The following MAPK10 variants were observed in gnomAD, a reference collection of about 807,000 sequenced individuals.
MAPK10 encodes the protein mitogen-activated protein kinase 10.
Under a neutral mutation model 59.3 loss-of-function variants are expected in MAPK10, and 25 were observed. The ratio of observed to expected loss-of-function variants is 0.42; its 90% CI spans 0.31 to 0.59. The LOEUF is 0.59. Among genes scored for constraint, MAPK10 ranks in the 20% least tolerant of loss-of-function variants. MAPK10 has a pLI of 0.15. For missense variants in MAPK10, 351 were observed against 568.9 expected, an observed-to-expected ratio of 0.62 and a Z score of 3.90; for synonymous variants, 190 against 200.5, an observed-to-expected ratio of 0.95 and a Z score of 0.44.
intron 1 of MAPK10, among the ~76,000 whole-genome samples, chr4:86,451,786 CAG>C (rs1468858185): frequency 1.3e-5 from 2 of 152,058 alleles, no homozygotes; most frequent in Admixed American, 6.5e-5. Context: ...GCTGGGGAAA[CAG>C]GGGAGGGCAC....
chr4:86,336,566 C>T (rs1366141053), intron 2 of MAPK10: 1 of 152,156 alleles, frequency 6.6e-6, no homozygotes, highest in Non-Finnish European at 1.5e-5. Flanking sequence ...GACATCATAT[C>T]AAACAAGGTC....
intron 9 of MAPK10, among the ~76,000 whole-genome samples, chr4:86,075,124 C>G (rs1279436466): frequency 6.6e-6 from 1 of 151,714 alleles, no homozygotes; most frequent in Non-Finnish European, 1.5e-5. Context: ...AACTTCCCTT[C>G]TCGCTTCATT....
At chr4:86,137,540 T>A (rs1380320563) in intron 4 of MAPK10, among the ~76,000 whole-genome samples, 2 of 129,898 alleles carry the variant, frequency 1.5e-5, no homozygotes, top group African/African-American at 6.7e-5. Flanking sequence ...AAGCAGTGTG[T>A]AGAGGGAAAT....
intron 1 of MAPK10, among the ~76,000 whole-genome samples, chr4:86,552,537 GGAAGGA>G (rs1759931248): frequency 6.7e-6 from 1 of 148,686 alleles, no homozygotes; most frequent in Non-Finnish European, 1.5e-5. Flanking sequence ...AAGGAAGGAA[GGAAGGA>G]AGGAAGGAAG....
chr4:86,067,788 G>A lies in MAPK10; in HGVS notation c.970C>T (p.His324Tyr). The A allele has an allele frequency of 2.5e-6, 4 of 1,611,802 alleles. No homozygotes were observed. The highest frequency in any genetic ancestry group is 3.4e-6 in the Non-Finnish European group (4 of 1,178,846). ...AAGGGCATACCTTTGAGTTTATTGTGCTCGGAGTCCGCTGGGAAGAGGGAA... is the reference window on the plus strand; with the variant it reads ...AAGGGCATACCTTTGAGTTTATTGTACTCGGAGTCCGCTGGGAAGAGGGAA... ...PDSLFPADSE[H>Y]NKLKASQARD... Residue 324 changes from histidine (H) to tyrosine (Y), a missense_variant, in exon 10 of 14, where the codon CAC becomes TAC. Around this residue, in one of 5 missense-constraint regions of MAPK10, gnomAD observed 155 missense variants for 204.2 expected, o/e 0.76. Transcript: ENST00000641462.
At position 86,064,483 on chromosome 4, in the gene MAPK10, T is replaced by A. The variant is rs2046341451; in HGVS notation, c.986-93A>T. 5 of 1,198,606 alleles carry A rather than the reference T, an allele frequency of 4.2e-6. No homozygotes were observed. In the South Asian group the frequency reaches 6.6e-5, roughly 16 times the overall value. The allele number at this position is 1,198,606 out of a possible 1,614,324, so 74.2% of individuals were successfully genotyped here. ...AAATTTAAGAAAACAAAGTATGGAATAGTATCTTCCTTCCAAACATCAGGT... is the reference window on the plus strand; with the variant it reads ...AAATTTAAGAAAACAAAGTATGGAAAAGTATCTTCCTTCCAAACATCAGGT... On this transcript the variant is annotated intron_variant, in intron 10 of 13. Coordinates refer to ENST00000641462, the MANE Select transcript of MAPK10 (RefSeq NM_138982.4).
Position 86,013,643 on chromosome 4 carries a change from T to TA in MAPK10, c.*3584dup, listed in dbSNP as rs1742135058. The stretch of plus-strand genomic sequence containing the variant: ...GGACATAAAAGGTTTTACATATTTT[T>TA]ATCTATTTTTTACTAGTTCCATTTA... On this transcript the variant is annotated 3_prime_UTR_variant, in exon 14 of 14. Coordinates refer to ENST00000641462, the MANE Select transcript of MAPK10 (RefSeq NM_138982.4). 1 of 152,244 alleles carries TA rather than the reference T, an allele frequency of 6.6e-6. No individual in the cohort carries two copies. Among genetic ancestry groups the TA allele is most frequent in the African/African-American group, 2.4e-5 (1 of 41,470 alleles). 9.4% of individuals were successfully genotyped at this position (152,244 alleles called of 1,614,324 possible).
At chr4:86,076,367 G>A (rs192828735) in intron 9 of MAPK10, among the ~76,000 whole-genome samples, 9 of 152,284 alleles carry the variant, frequency 5.9e-5, no homozygotes, top group East Asian at 5.8e-4. Flanking sequence ...CGTCGCTCAC[G>A]CTGGGAGCTG....
At chr4:86,345,142 ATT>A (rs1396404827) in intron 2 of MAPK10, among the ~76,000 whole-genome samples, 1 of 152,100 alleles carries the variant, frequency 6.6e-6, no homozygotes, top group Non-Finnish European at 1.5e-5. Flanking sequence ...TTAAAGCAAA[ATT>A]GTGCATTAGC....
chr4:86,500,774 C>A (rs1279694672), intron 1 of MAPK10, among the ~76,000 whole-genome samples: 1 of 152,092 alleles, frequency 6.6e-6, no homozygotes, highest in Non-Finnish European at 1.5e-5. Flanking sequence ...AAAGCAATAT[C>A]ATTAGACTGA....
rs181610619 is a variant in MAPK10, at chr4:86,548,062, C to G, written c.-263+45848G>C. Among the ~76,000 whole-genome samples the G allele has an allele frequency of 3.3e-3, 497 of 152,302 alleles. 1 individual carries two copies. Among genetic ancestry groups the G allele is most frequent in the Non-Finnish European group, 5.8e-3 (393 of 68,020 alleles). ...CAGGTCCCCTTCCACACTGTGGAAT[C>G]TTGGTTCTTTCACTCTTTGCAATAA... is the stretch of plus-strand genomic sequence containing the variant. On this transcript the variant is annotated intron_variant, in intron 1 of 4. Coordinates refer to the MAPK10 transcript ENST00000502302.
intron 4 of MAPK10, among the ~76,000 whole-genome samples, chr4:86,145,417 T>C (rs1322536141): frequency 1.3e-5 from 2 of 151,742 alleles, no homozygotes; most frequent in Non-Finnish European, 1.5e-5. Context: ...TTTAGAAAAT[T>C]AGTGATGAAA....
intron 10 of MAPK10, among the ~76,000 whole-genome samples, chr4:86,066,481 T>A (rs550094943): frequency 1.3e-5 from 2 of 152,234 alleles, no homozygotes; most frequent in South Asian, 4.2e-4. Context: ...GGGCTGGGGT[T>A]AGCCGGGCGT....
At chr4:86,123,225 G>A (rs28435171) in intron 4 of MAPK10, among the ~76,000 whole-genome samples, 21,419 of 151,796 alleles carry the variant, frequency 0.14, 1,605 homozygotes, top group Admixed American at 0.17. Flanking sequence ...ACATAACAGG[G>A]TTTTCTTCTT....
intron 1 of MAPK10, among the ~76,000 whole-genome samples, chr4:86,521,282 G>T (rs901545322): frequency 6.6e-6 from 1 of 152,156 alleles, no homozygotes; most frequent in South Asian, 2.1e-4. Context: ...GTAGAAGGGG[G>T]ATATAATCTT....
intron 1 of MAPK10, among the ~76,000 whole-genome samples, chr4:86,532,744 G>A (rs190770303): frequency 7.2e-5 from 11 of 152,174 alleles, no homozygotes; most frequent in Non-Finnish European, 1.5e-4. Context: ...AATCTCCAAT[G>A]ACCTCCATAA....
At chr4:86,236,311 A>C (rs2092222263) in intron 2 of MAPK10, among the ~76,000 whole-genome samples, 11 of 152,182 alleles carry the variant, frequency 7.2e-5, no homozygotes, top group Admixed American at 7.2e-4. Context: ...AGGAATTAGG[A>C]CATGGAAATT....
At chr4:86,443,015 C>G (rs564893250) in intron 1 of MAPK10, among the ~76,000 whole-genome samples, 1 of 152,230 alleles carries the variant, frequency 6.6e-6, no homozygotes, top group African/African-American at 2.4e-5. Flanking sequence ...CCTGAAGAGA[C>G]AGACAGGGAC....
chr4:86,209,972 T>A (rs1345235347), intron 2 of MAPK10, among the ~76,000 whole-genome samples: 1 of 151,922 alleles, frequency 6.6e-6, no homozygotes, highest in East Asian at 1.9e-4. Flanking sequence ...AACAAATCCA[T>A]ACATCTACAG....
Sources: gnomAD v4.1 joint callset for allele counts (sites outside exome capture counted in the v4.1 genomes callset) on GRCh38, gnomAD v4.1.1 for gene constraint, gnomAD v4.1.1 regional missense constraint, MANE v1.5 for transcripts, NCBI Gene and HGNC (gene_info 2026-07-23, HGNC 2026-07-21) for gene names.